The following FBXW4 variants were observed in gnomAD, a reference collection of about 807,000 sequenced individuals.
The protein encoded by FBXW4 is F-box and WD repeat domain containing 4.
Under a neutral mutation model 61.8 loss-of-function variants are expected in FBXW4, and 40 were observed. The ratio of observed to expected loss-of-function variants is 0.65; its 90% CI spans 0.50 to 0.84. The LOEUF (loss-of-function observed/expected upper bound fraction) is 0.84, where lower values mean the gene tolerates loss of function less well. FBXW4 is among the 40% of genes least tolerant of loss of function. The pLI is 0.00. For synonymous variants in FBXW4, 311 were observed against 313.8 expected, an observed-to-expected ratio of 0.99 and a Z score of 0.10; for missense variants, 672 against 753.8, an observed-to-expected ratio of 0.89 and a Z score of 1.27.
chr10:101,694,048 G>C lies in FBXW4; in HGVS notation c.725+333C>G, dbSNP rs752364041. ...GCACCGTACCAGACTGGCTCCTCTG[G>C]GGCGAAGGAACCGGGGCAGCTAAAC... On this transcript the variant is annotated intron_variant, in intron 1 of 8. Coordinates refer to ENST00000331272, the MANE Select transcript of FBXW4 (RefSeq NM_022039.4). The surrounding 1 kb of genome is among the most constrained non-coding windows in gnomAD (Gnocchi z 6.0). Among the ~76,000 whole-genome samples the C allele has an allele frequency of 1.3e-4, 20 of 152,174 alleles. No individual in the cohort carries two copies. The highest frequency in any genetic ancestry group is 2.2e-4 in the Non-Finnish European group (15 of 68,034).
In FBXW4 at chr10:101,694,600, G is replaced by T. The variant is rs771078614; in HGVS notation, c.506C>A (p.Ala169Glu). The T allele has an allele frequency of 7.0e-7, 1 of 1,426,174 alleles. No individual in the cohort carries two copies. The highest frequency in any genetic ancestry group is 2.1e-4 in the Middle Eastern group (1 of 4,804). 88.3% of individuals were successfully genotyped at this position (1,426,174 alleles called of 1,614,324 possible). Reference sequence around the variant, plus strand: ...CGGGCGGGCAGCCGACTCCCGAGCCGCCTCCTCCTCCTCCTCCTCCTCCCC... The same window carrying T: ...CGGGCGGGCAGCCGACTCCCGAGCCTCCTCCTCCTCCTCCTCCTCCTCCCC... The part of the protein sequence containing the change: ...AAGEEEEEEE[A>E]ARESAARPAA... The change falls in exon 1 of 9, where the codon GCG becomes GAG. Residue 169 changes from alanine (A) to glutamate (E), a missense_variant. By Grantham distance (107) the Ala-to-Glu change is moderately radical. Around this residue, in one of 5 missense-constraint regions of FBXW4, gnomAD observed 311 missense variants for 301.1 expected, o/e 1.03. Transcript: ENST00000331272. The surrounding 1 kb of genome is among the most constrained non-coding windows in gnomAD (Gnocchi z 6.0).
At position 101,611,791 on chromosome 10, in the gene FBXW4, A is replaced by G; in HGVS notation, c.1443-22T>C. 2.5e-6 allele frequency: 4 copies of G among 1,607,466 alleles called. No individual in the cohort carries two copies. The highest frequency in any genetic ancestry group is 3.4e-6 in the Non-Finnish European group (4 of 1,175,376). On this transcript the variant is annotated intron_variant, in intron 7 of 8. Coordinates refer to ENST00000331272, the MANE Select transcript of FBXW4 (RefSeq NM_022039.4). This position sits in a 1 kb window ranked among gnomAD's most constrained non-coding sequence, Gnocchi z 4.9. The stretch of plus-strand genomic sequence containing the variant: ...TTTCCTGTCCAGGAAGAGGAGAAGC[A>G]GAGGGAGGTTTAGGGTACCCTCCAC...
rs142098066 is a variant in FBXW4, at chr10:101,625,057, G to A, written c.1236-247C>T. ...CAGCCACAGCTGGGCCTGCTGCACA[G>A]ACTAGGTTGAGTGGTCTCTGCACAC... On this transcript the variant is annotated intron_variant, in intron 5 of 8. Transcript: ENST00000331272. 1.3e-3 allele frequency: 740 copies of A among 567,502 alleles called. 3 individuals are homozygous for A. Among genetic ancestry groups the A allele is most frequent in the African/African-American group, 0.013 (691 of 53,256 alleles). 35.2% of individuals were successfully genotyped at this position (567,502 alleles called of 1,614,324 possible).
At chr10:101,634,163 G>T (rs1326518236) in intron 5 of FBXW4, among the ~76,000 whole-genome samples, 1 of 151,288 alleles carries the variant, frequency 6.6e-6, no homozygotes, top group Admixed American at 6.6e-5. Flanking sequence ...TTCATGAAAA[G>T]AATTTAAAAA....
intron 5 of FBXW4, among the ~76,000 whole-genome samples, chr10:101,666,154 C>T (rs1305252798): frequency 6.6e-6 from 1 of 152,202 alleles, no homozygotes; most frequent in Non-Finnish European, 1.5e-5. Context: ...CCACTCTCCG[C>T]TCCCACACAC....
At chr10:101,645,853 G>C (rs1448374781) in intron 5 of FBXW4, among the ~76,000 whole-genome samples, 1 of 152,184 alleles carries the variant, frequency 6.6e-6, no homozygotes, top group Non-Finnish European at 1.5e-5. Context: ...GAAAAAGCAT[G>C]ACCTTTGGAG....
At chr10:101,648,882 A>G (rs1054140217) in intron 5 of FBXW4, among the ~76,000 whole-genome samples, 3 of 152,178 alleles carry the variant, frequency 2.0e-5, no homozygotes, top group African/African-American at 7.2e-5. Context: ...CATCCCCACC[A>G]GAGCTTTTCC....
intron 1 of FBXW4, among the ~76,000 whole-genome samples, chr10:101,691,738 CTCTTA>C (rs1487677282): frequency 6.6e-6 from 1 of 152,136 alleles, no homozygotes; most frequent in African/African-American, 2.4e-5. Context: ...CTTTAGACTT[CTCTTA>C]TAGGTTAACT....
In FBXW4 at chr10:101,610,954, A is replaced by C. The variant is rs1160701796; in HGVS notation, c.*337T>G. 5.8e-6 allele frequency: 1 copy of C among 171,542 alleles called. No homozygotes were observed. The highest frequency in any genetic ancestry group is 1.2e-5 in the Non-Finnish European group (1 of 80,800). 10.6% of individuals were successfully genotyped at this position (171,542 alleles called of 1,614,324 possible). On this transcript the variant is annotated 3_prime_UTR_variant, in exon 9 of 9. Coordinates refer to ENST00000331272, the MANE Select transcript of FBXW4 (RefSeq NM_022039.4). ...TGGGAAGGTGGGAGCACCTCACCTC[A>C]CTCTGTAGGCTGTCATGGCTCTAAT... is the stretch of plus-strand genomic sequence containing the variant.
intron 4 of FBXW4, among the ~76,000 whole-genome samples, chr10:101,669,986 A>G (rs1331642088): frequency 1.3e-5 from 2 of 151,634 alleles, no homozygotes; most frequent in African/African-American, 4.9e-5. Context: ...CGATCTCCTG[A>G]CCTCATGATC....
chr10:101,656,257 C>T (rs2064184364), intron 5 of FBXW4, among the ~76,000 whole-genome samples: 1 of 152,122 alleles, frequency 6.6e-6, no homozygotes. Context: ...CCAACATAAT[C>T]AAAGTGGTGG....
At chr10:101,640,666 T>TC in intron 5 of FBXW4, among the ~76,000 whole-genome samples, 1 of 150,262 alleles carries the variant, frequency 6.7e-6, no homozygotes, top group East Asian at 2.0e-4. Flanking sequence ...TAATTTTTTT[T>TC]TTTTTTTTTA....
intron 5 of FBXW4, among the ~76,000 whole-genome samples, chr10:101,667,242 A>C (rs1434118701): frequency 1.3e-5 from 2 of 151,594 alleles, no homozygotes; most frequent in East Asian, 1.9e-4. Context: ...AAAAAAAAAA[A>C]AAACCAAACA....
intron 5 of FBXW4, chr10:101,627,898 G>A: frequency 1.1e-6 from 1 of 946,162 alleles, no homozygotes; most frequent in African/African-American, 1.8e-5. Flanking sequence ...CTGGTGGGGT[G>A]GGATCTGTGC....
chr10:101,654,553 AC>A (rs1334508144), intron 5 of FBXW4, among the ~76,000 whole-genome samples: 2 of 152,176 alleles, frequency 1.3e-5, no homozygotes, highest in African/African-American at 4.8e-5. Context: ...ATAAAATAGG[AC>A]CATTATAAAA....
intron 6 of FBXW4, among the ~76,000 whole-genome samples, chr10:101,623,116 T>C (rs903436151): frequency 1.3e-5 from 2 of 152,152 alleles, no homozygotes; most frequent in African/African-American, 4.8e-5. Context: ...ATATAACACC[T>C]TTAGAATAGT....
Position 101,651,409 on chromosome 10 carries a change from T to C in FBXW4, c.1235+16477A>G, listed in dbSNP as rs537788465. ...CAAAGTTTCTCTAGCAATTTGGGGGTGGGAAAAGAAAGCCTGGTCCTGACG... is the reference window on the plus strand; with the variant it reads ...CAAAGTTTCTCTAGCAATTTGGGGGCGGGAAAAGAAAGCCTGGTCCTGACG... On this transcript the variant is annotated intron_variant, in intron 5 of 8. Transcript: ENST00000331272. 2.6e-4 allele frequency among the ~76,000 whole-genome samples: 39 copies of C among 150,840 alleles called. No individual in the cohort carries two copies. In the East Asian group the frequency reaches 6.6e-3, roughly 26 times the overall value.
intron 5 of FBXW4, among the ~76,000 whole-genome samples, chr10:101,658,997 G>A (rs532541802): frequency 6.6e-6 from 1 of 151,988 alleles, no homozygotes; most frequent in East Asian, 2.0e-4. Context: ...CTACCATCAG[G>A]TTCCTCTTTA....
Position 101,662,923 on chromosome 10 carries a change from C to T in FBXW4, c.1235+4963G>A, listed in dbSNP as rs562110178. On this transcript the variant is annotated intron_variant, in intron 5 of 8. Transcript: ENST00000331272. ...AGCCTCAATCATATGCTGCCTTCTC[C>T]CACCACTCCCTGTCTCAACTCTGGC... Among the ~76,000 whole-genome samples, 4 of 152,260 alleles carry T rather than the reference C, an allele frequency of 2.6e-5. No homozygotes were observed. The East Asian group carries it at 7.7e-4, about 29-fold the overall frequency.
Sources: gnomAD v4.1 joint callset for allele counts (sites outside exome capture counted in the v4.1 genomes callset) on GRCh38, gnomAD v4.1.1 for gene constraint, gnomAD v4.1.1 regional missense constraint, Gnocchi (gnomAD v3.1) non-coding constraint, MANE v1.5 for transcripts, NCBI Gene and HGNC (gene_info 2026-07-23, HGNC 2026-07-21) for gene names.